Variants in PCDHGA3 observed in about 807,000 individuals in gnomAD.
PCDHGA3 encodes the protein protocadherin gamma-A3.
A neutral mutation model predicts 58.5 loss-of-function variants in PCDHGA3; 40 were observed. That is an observed-to-expected ratio of 0.68 (90% CI 0.53 to 0.89). PCDHGA3 has a LOEUF of 0.89. PCDHGA3 is among the 40% of genes least tolerant of loss of function. PCDHGA3 has a pLI of 0.00. For missense variants in PCDHGA3, 1,223 were observed against 1,195.9 expected (o/e 1.02, Z -0.33); for synonymous variants, 530 against 525.7 (o/e 1.01, Z -0.11).
intron 1 of PCDHGA3, chr5:141,410,249 G>A (rs371076854): frequency 1.2e-6 from 2 of 1,613,992 alleles, no homozygotes; most frequent in Non-Finnish European, 8.5e-7. Flanking sequence ...TGTACTCTCT[G>A]ACCCCCAGGC....
rs1267309332 is a variant in PCDHGA3 at position 141,344,202 on chromosome 5, C to G, written c.169C>G (p.Arg57Gly). ...NIANDLGLEPRELAERGVRIV... is the reference protein window; with the variant it reads ...NIANDLGLEPGELAERGVRIV... ...CGCTAACGACCTGGGGCTAGAGCCC[C>G]GGGAGCTGGCGGAGCGCGGAGTCCG... Residue 57 changes from arginine (R) to glycine (G), a missense_variant, in exon 1 of 4, where the codon CGG becomes GGG. Physicochemically the swap from Arg to Gly is moderately radical, Grantham distance 125. Transcript: ENST00000253812. 1 of 1,614,012 alleles carries G rather than the reference C, an allele frequency of 6.2e-7. No homozygotes were observed. Among genetic ancestry groups the G allele is most frequent in the Non-Finnish European group, 8.5e-7 (1 of 1,179,904 alleles).
intron 1 of PCDHGA3, chr5:141,393,457 C>T (rs780177231): frequency 1.9e-6 from 3 of 1,614,050 alleles, no homozygotes; most frequent in East Asian, 2.2e-5. Flanking sequence ...CTCACGGCCT[C>T]GGATGGCGGC....
intron 1 of PCDHGA3, among the ~76,000 whole-genome samples, chr5:141,368,152 ACC>A (rs1765509493): frequency 2.0e-5 from 3 of 152,192 alleles, no homozygotes; most frequent in Admixed American, 6.5e-5. Flanking sequence ...TACTTTTAAA[ACC>A]TTGAGCATCA....
At chr5:141,375,010 T>G in intron 1 of PCDHGA3, 2 of 1,614,050 alleles carry the variant, frequency 1.2e-6, no homozygotes, top group Non-Finnish European at 1.7e-6. Flanking sequence ...ATCTAGACTA[T>G]GAGGACTCGA....
chr5:141,367,112 C>G (rs1261391060), intron 1 of PCDHGA3: 1 of 221,008 alleles, frequency 4.5e-6, no homozygotes, highest in South Asian at 7.2e-5. Context: ...GCCTAGACAC[C>G]ATTAGTGAAT....
rs748357509 is a variant in PCDHGA3 at position 141,384,447 on chromosome 5, G to A, written c.2424+37990G>A. The A allele has an allele frequency of 2.0e-5, 32 of 1,613,890 alleles. No homozygotes were observed. The African/African-American group carries it at 2.4e-4, about 12-fold the overall frequency. The stretch of plus-strand genomic sequence containing the variant: ...ACTCTGACACTGGAGTCCTGTACGC[G>A]CTGCAATCCTTTGATTATGAGCAGT... On this transcript the variant is annotated intron_variant, in intron 1 of 3. Coordinates refer to ENST00000253812, the MANE Select transcript of PCDHGA3 (RefSeq NM_018916.4).
chr5:141,419,259 C>G, intron 1 of PCDHGA3: 4 of 1,614,016 alleles, frequency 2.5e-6, no homozygotes, highest in Non-Finnish European at 2.5e-6. Context: ...AACAACCAGC[C>G]GGGTGCCTCC....
intron 1 of PCDHGA3, chr5:141,384,848 G>C (rs1373934020): frequency 1.2e-6 from 2 of 1,613,600 alleles, no homozygotes; most frequent in South Asian, 2.2e-5. Flanking sequence ...CAGGACCACG[G>C]TCAGCCTCCT....
At chr5:141,397,706 T>G (rs2093559040) in intron 1 of PCDHGA3, among the ~76,000 whole-genome samples, 1 of 152,246 alleles carries the variant, frequency 6.6e-6, no homozygotes, top group African/African-American at 2.4e-5. Flanking sequence ...CAACGTGATA[T>G]TTCTAACAAT....
Position 141,477,483 on chromosome 5 carries a change from A to G in PCDHGA3, c.2425-17324A>G. The G allele has an allele frequency of 6.2e-7, 1 of 1,614,028 alleles. No individual in the cohort carries two copies. On this transcript the variant is annotated intron_variant, in intron 1 of 3. Coordinates refer to ENST00000253812, the MANE Select transcript of PCDHGA3 (RefSeq NM_018916.4). The surrounding 1 kb of genome is among the most constrained non-coding windows in gnomAD (Gnocchi z 4.9). ...TCCGACATCAATGACAACCCTCCAC[A>G]ATCTTCTCAATCTTCCTACGACGTT...
At chr5:141,446,263 C>T (rs2098496356) in intron 1 of PCDHGA3, among the ~76,000 whole-genome samples, 1 of 152,010 alleles carries the variant, frequency 6.6e-6, no homozygotes, top group East Asian at 1.9e-4. Flanking sequence ...ATATTATTAA[C>T]TGAATAAATA....
Position 141,431,560 on chromosome 5 carries a change from C to G in PCDHGA3, c.2425-63247C>G, listed in dbSNP as rs751276470. The G allele has an allele frequency of 6.2e-7, 1 of 1,613,986 alleles. No individual in the cohort carries two copies. The highest frequency in any genetic ancestry group is 1.7e-5 in the Admixed American group (1 of 60,016). On this transcript the variant is annotated intron_variant, in intron 1 of 3. Transcript: ENST00000253812. This position sits in a 1 kb window ranked among gnomAD's most constrained non-coding sequence, Gnocchi z 4.8. Reference sequence around the variant, plus strand: ...CGCAGCTGCTTGTAGTCAACGCTACCGACCCTGACGAAGGAGTCAATGCGG... The same window carrying G: ...CGCAGCTGCTTGTAGTCAACGCTACGGACCCTGACGAAGGAGTCAATGCGG...
In PCDHGA3 at chr5:141,374,846, C is replaced by T. The variant is rs1473498001; in HGVS notation, c.2424+28389C>T. 4.3e-6 allele frequency: 7 copies of T among 1,613,724 alleles called. No individual in the cohort carries two copies. In the African/African-American group the frequency reaches 8.0e-5, roughly 18 times the overall value. On this transcript the variant is annotated intron_variant, in intron 1 of 3. Coordinates refer to ENST00000253812, the MANE Select transcript of PCDHGA3 (RefSeq NM_018916.4). ...CTACCGTGTAAGTGTTCCTGAAAAC[C>T]TGCCAGTAGGCACACCAGTGTTGGC...
intron 1 of PCDHGA3, among the ~76,000 whole-genome samples, chr5:141,438,636 ACACACAC>A: frequency 3.9e-5 from 1 of 25,700 alleles, no homozygotes; most frequent in African/African-American, 1.5e-4. Flanking sequence ...ATATATATAT[ACACACAC>A]ACACACACAT....
intron 1 of PCDHGA3, 168 bp downstream of exon 1, chr5:141,346,625 C>G (rs548281079): frequency 1.3e-5 from 13 of 1,025,110 alleles, no homozygotes; most frequent in South Asian, 1.2e-4. Context: ...CTGCACTCCC[C>G]GGTCTGGTTA....
At chr5:141,506,092 G>A (rs1595997534) in intron 3 of PCDHGA3, among the ~76,000 whole-genome samples, 1 of 152,142 alleles carries the variant, frequency 6.6e-6, no homozygotes, top group Admixed American at 6.6e-5. Flanking sequence ...TTCGGCTAGT[G>A]GTGGTTGTCC....
chr5:141,356,699 C>G (rs1303768653), intron 1 of PCDHGA3: 1 of 1,613,914 alleles, frequency 6.2e-7, no homozygotes, highest in Non-Finnish European at 8.5e-7. Flanking sequence ...CAGGGTGCAC[C>G]TCTGTCCTCC....
intron 1 of PCDHGA3, chr5:141,410,439 G>C: frequency 6.2e-7 from 1 of 1,614,008 alleles, no homozygotes; most frequent in Non-Finnish European, 8.5e-7. Context: ...TACAGTGAGG[G>C]GACTTTGCCT....
chr5:141,478,017 T>C lies in PCDHGA3; in HGVS notation c.2425-16790T>C, dbSNP rs776415195. ...GGTCAAATCAGTACTGCCCGTCCAG[T>C]CCAAGACACAGATTCACCCAGGCAG... On this transcript the variant is annotated intron_variant, in intron 1 of 3. Transcript: ENST00000253812. 15 of 1,613,910 alleles carry C rather than the reference T, an allele frequency of 9.3e-6. No homozygotes were observed. In the African/African-American group the frequency reaches 1.9e-4, roughly 20 times the overall value.
Sources: allele counts gnomAD v4.1 joint callset (sites outside exome capture counted in the v4.1 genomes callset), GRCh38; gene constraint gnomAD v4.1.1; non-coding constraint Gnocchi (gnomAD v3.1); transcripts MANE v1.5; gene names NCBI Gene and HGNC (gene_info 2026-07-23, HGNC 2026-07-21).